RANBP17: variants seen among roughly 807,000 people sequenced by gnomAD.
RANBP17 encodes the protein RAN binding protein 17.
In RANBP17, 158 loss-of-function variants were observed where a neutral mutation model predicts 141.2. The observed-to-expected ratio is 1.12, with a 90% confidence interval of 0.98 to 1.28. The LOEUF (loss-of-function observed/expected upper bound fraction) is 1.28. Among genes scored for constraint, RANBP17 ranks in the 50% most tolerant of loss-of-function variants. The pLI, the probability that RANBP17 is intolerant of heterozygous loss-of-function variation, is 0.00. For missense variants in RANBP17, 1,438 were observed against 1,290.7 expected (o/e 1.11, Z -1.75); for synonymous variants, 430 against 450.0 (o/e 0.96, Z 0.56).
chr5:171,122,300 C>T lies in RANBP17; in HGVS notation c.1711-47830C>T, dbSNP rs114939693. Among the ~76,000 whole-genome samples the T allele has an allele frequency of 3.4e-3, 518 of 152,174 alleles. 3 individuals carry two copies. The highest frequency in any genetic ancestry group is 0.017 in the Middle Eastern group (5 of 294). On this transcript the variant is annotated intron_variant, in intron 14 of 27. Transcript: ENST00000523189. ...CTTGTTTTTTTTCTTTTGGAGTCAA[C>T]GAGCATCAGGTGTCTCTAGTCAGCT... is the stretch of plus-strand genomic sequence containing the variant.
intron 13 of RANBP17, among the ~76,000 whole-genome samples, chr5:170,959,992 C>T (rs1776017360): frequency 6.6e-6 from 1 of 152,174 alleles, no homozygotes; most frequent in African/African-American, 2.4e-5. Context: ...CAGGTCTGTA[C>T]TCAGATGTCT....
At chr5:171,075,478 A>G (rs1784862278) in intron 14 of RANBP17, among the ~76,000 whole-genome samples, 1 of 152,212 alleles carries the variant, frequency 6.6e-6, no homozygotes. Flanking sequence ...TTTATATGAA[A>G]TGTCCAGAGT....
intron 14 of RANBP17, among the ~76,000 whole-genome samples, chr5:170,969,907 T>A (rs1404599839): frequency 6.6e-6 from 1 of 152,006 alleles, no homozygotes; most frequent in East Asian, 1.9e-4. Context: ...AGGAAGTTAG[T>A]CCTAAGGTGA....
chr5:171,063,365 C>T (rs188590951), intron 14 of RANBP17, among the ~76,000 whole-genome samples: 2,768 of 152,260 alleles, frequency 0.018, 82 homozygotes, highest in African/African-American at 0.064. Flanking sequence ...TGTTTGTTAG[C>T]TTTCCTTCTA....
intron 14 of RANBP17, among the ~76,000 whole-genome samples, chr5:171,007,842 G>C (rs1341392388): frequency 6.6e-6 from 1 of 152,124 alleles, no homozygotes; most frequent in Non-Finnish European, 1.5e-5. Flanking sequence ...GAGAACACAG[G>C]CTAAGGAGAA....
chr5:171,026,932 C>A lies in RANBP17; in HGVS notation c.1710+58555C>A, dbSNP rs182548017. 4.7e-3 allele frequency among the ~76,000 whole-genome samples: 721 copies of A among 152,208 alleles called. 4 individuals are homozygous for A. The highest frequency in any genetic ancestry group is 0.017 in the African/African-American group (699 of 41,540). On this transcript the variant is annotated intron_variant, in intron 14 of 27. Transcript: ENST00000523189. ...GAGCGGTGCGTGAGAAACATTACTG[C>A]CTGAGCTCCACCTCCTGTCAGCGAC...
intron 22 of RANBP17, among the ~76,000 whole-genome samples, chr5:171,230,827 G>A (rs1189962892): frequency 6.6e-6 from 1 of 152,006 alleles, no homozygotes; most frequent in Non-Finnish European, 1.5e-5. Flanking sequence ...AATACTGGAT[G>A]GTATGACCAT....
intron 14 of RANBP17, among the ~76,000 whole-genome samples, chr5:171,006,551 A>G (rs1418744659): frequency 1.3e-5 from 2 of 152,138 alleles, no homozygotes; most frequent in Non-Finnish European, 2.9e-5. Context: ...AACAATGAGA[A>G]CACATGGACA....
At chr5:171,125,627 A>G (rs142326500) in intron 14 of RANBP17, among the ~76,000 whole-genome samples, 6 of 152,316 alleles carry the variant, frequency 3.9e-5, no homozygotes, top group Non-Finnish European at 8.8e-5. Flanking sequence ...CAAAAAATCC[A>G]CAAAGAAACA....
chr5:171,241,992 TC>T (rs2127997069), intron 23 of RANBP17, among the ~76,000 whole-genome samples: 1 of 151,770 alleles, frequency 6.6e-6, no homozygotes, highest in African/African-American at 2.4e-5. Flanking sequence ...TCTCTTTTTT[TC>T]TTTTTTTTTT....
chr5:170,870,344 A>G (rs1581011464), intron 1 of RANBP17, among the ~76,000 whole-genome samples: 1 of 151,836 alleles, frequency 6.6e-6, no homozygotes, highest in South Asian at 2.1e-4. Context: ...GGCATTAGCT[A>G]TTTGTCCTCA....
At chr5:170,953,787 T>C in intron 13 of RANBP17, 85 bp downstream of exon 13, 3 of 850,592 alleles carry the variant, frequency 3.5e-6, no homozygotes, top group Non-Finnish European at 5.8e-6. Flanking sequence ...AGTGAAGACA[T>C]TTTGTATGTG....
intron 13 of RANBP17, among the ~76,000 whole-genome samples, chr5:170,954,284 A>C (rs1384265686): frequency 8.5e-5 from 13 of 152,172 alleles, no homozygotes. Context: ...AAAATTATAT[A>C]CTAATTTGGA....
At chr5:171,091,944 G>T (rs150356375) in intron 14 of RANBP17, among the ~76,000 whole-genome samples, 124 of 152,270 alleles carry the variant, frequency 8.1e-4, no homozygotes, top group Admixed American at 1.5e-3. Context: ...TTTCATATAT[G>T]CAGGTTCCAC....
At chr5:170,892,900 T>A (rs1769769102) in intron 4 of RANBP17, among the ~76,000 whole-genome samples, 1 of 152,204 alleles carries the variant, frequency 6.6e-6, no homozygotes, top group Non-Finnish European at 1.5e-5. Flanking sequence ...GAAATAGATT[T>A]TATTTTGTAA....
intron 12 of RANBP17, among the ~76,000 whole-genome samples, chr5:170,927,140 G>A (rs960713344): frequency 5.3e-5 from 8 of 152,034 alleles, no homozygotes; most frequent in African/African-American, 9.7e-5. Flanking sequence ...TGAAATTGCC[G>A]TTGAGTGGAA....
At chr5:171,296,922 A>G (rs1394650054) in intron 27 of RANBP17, among the ~76,000 whole-genome samples, 1 of 152,240 alleles carries the variant, frequency 6.6e-6, no homozygotes, top group Non-Finnish European at 1.5e-5. Flanking sequence ...CAAAAATAAT[A>G]AAATTAAATT....
At chr5:171,260,982 A>C (rs1017202658) in intron 24 of RANBP17, among the ~76,000 whole-genome samples, 5 of 151,716 alleles carry the variant, frequency 3.3e-5, no homozygotes, top group African/African-American at 1.2e-4. Flanking sequence ...TTTTGGACAC[A>C]TTATTGAATT....
chr5:171,119,239 T>C (rs930829446), intron 14 of RANBP17, among the ~76,000 whole-genome samples: 8 of 152,220 alleles, frequency 5.3e-5, no homozygotes, highest in African/African-American at 1.9e-4. Context: ...CACTTGATTA[T>C]GGTGTATTAT....
Sources: allele counts gnomAD v4.1 joint callset (sites outside exome capture counted in the v4.1 genomes callset), GRCh38; gene constraint gnomAD v4.1.1; transcripts MANE v1.5; gene names NCBI Gene and HGNC (gene_info 2026-07-23, HGNC 2026-07-21).